The following XPR1 variants were observed in gnomAD, a reference collection of about 807,000 sequenced individuals.
XPR1 encodes solute carrier family 53 member 1.
XPR1 carries 28 observed loss-of-function variants against 87.5 expected under a neutral mutation model. That is an observed-to-expected ratio of 0.32 (90% CI 0.24 to 0.44). The LOEUF is 0.44. XPR1 is among the 20% of genes least tolerant of loss of function. The pLI is 1.00. For missense variants in XPR1, 559 were observed against 862.3 expected (o/e 0.65, Z 4.41); for synonymous variants, 300 against 306.1 (o/e 0.98, Z 0.21).
chr1:180,829,579 A>C (rs999035180), intron 9 of XPR1, among the ~76,000 whole-genome samples: 1 of 152,164 alleles, frequency 6.6e-6, no homozygotes, highest in Non-Finnish European at 1.5e-5. Context: ...TTTTGTGTGT[A>C]TCTCTATAAT....
intron 7 of XPR1, among the ~76,000 whole-genome samples, chr1:180,812,125 A>G (rs1273420811): frequency 6.7e-6 from 1 of 149,762 alleles, no homozygotes; most frequent in Non-Finnish European, 1.5e-5. Flanking sequence ...TTCTTGAAAC[A>G]CTTTGATTGT....
At position 180,845,627 on chromosome 1, in the gene XPR1, C is replaced by A. The variant is rs114237460; in HGVS notation, c.1501+8911C>A. On this transcript the variant is annotated intron_variant, in intron 11 of 14. Transcript: ENST00000367590. ...CCTCAAACTCCTAGGCTCATGGGAT[C>A]CTCCCACCTCAGCCTCCTGAGTAGC... is the stretch of plus-strand genomic sequence containing the variant. Among the ~76,000 whole-genome samples the A allele has an allele frequency of 1.4e-3, 206 of 152,234 alleles. 1 individual carries two copies. Among genetic ancestry groups the A allele is most frequent in the African/African-American group, 4.6e-3 (190 of 41,544 alleles).
At chr1:180,727,674 CG>C (rs1658402458) in intron 2 of XPR1, among the ~76,000 whole-genome samples, 3 of 152,072 alleles carry the variant, frequency 2.0e-5, no homozygotes, top group African/African-American at 7.2e-5. Flanking sequence ...CAACAAAAAA[CG>C]AAAGAAAGTA....
intron 1 of XPR1, among the ~76,000 whole-genome samples, chr1:180,666,777 C>T (rs1191510696): frequency 6.6e-6 from 1 of 152,160 alleles, no homozygotes; most frequent in Non-Finnish European, 1.5e-5. Flanking sequence ...TATGCAAATA[C>T]AGATAATTTT....
At chr1:180,767,408 G>A (rs1648327056) in intron 2 of XPR1, among the ~76,000 whole-genome samples, 1 of 152,126 alleles carries the variant, frequency 6.6e-6, no homozygotes, top group African/African-American at 2.4e-5. Context: ...AACTGTTGAA[G>A]GATGGATCTG....
At chr1:180,801,996 A>G (rs980805281) in intron 3 of XPR1, among the ~76,000 whole-genome samples, 7 of 151,962 alleles carry the variant, frequency 4.6e-5, no homozygotes, top group Admixed American at 2.0e-4. Flanking sequence ...GGGTTTCACC[A>G]TGTTGGCCAG....
At chr1:180,739,661 C>T (rs958391909) in intron 2 of XPR1, among the ~76,000 whole-genome samples, 1 of 152,112 alleles carries the variant, frequency 6.6e-6, no homozygotes, top group Non-Finnish European at 1.5e-5. Context: ...AATTTATACC[C>T]AATTATTTCC....
At chr1:180,818,169 G>A (rs923318014) in intron 7 of XPR1, among the ~76,000 whole-genome samples, 2 of 152,154 alleles carry the variant, frequency 1.3e-5, no homozygotes, top group South Asian at 2.1e-4. Flanking sequence ...GGAGTGAGAC[G>A]AGGCTTCTCA....
At chr1:180,874,520 T>C (rs1425603350) in intron 13 of XPR1, among the ~76,000 whole-genome samples, 1 of 152,014 alleles carries the variant, frequency 6.6e-6, no homozygotes, top group Non-Finnish European at 1.5e-5. Context: ...TGAAACGCTG[T>C]CTCTGCTAAA....
intron 7 of XPR1, among the ~76,000 whole-genome samples, chr1:180,819,052 C>T (rs936771824): frequency 1.6e-4 from 24 of 152,122 alleles, no homozygotes; most frequent in African/African-American, 2.9e-4. Flanking sequence ...TGGGCTCAGG[C>T]GATCCTCCTG....
intron 7 of XPR1, among the ~76,000 whole-genome samples, chr1:180,819,134 T>G (rs1650518667): frequency 6.6e-6 from 1 of 152,030 alleles, no homozygotes; most frequent in Non-Finnish European, 1.5e-5. Flanking sequence ...TTAACTTTTT[T>G]GTAGAGACAG....
intron 2 of XPR1, among the ~76,000 whole-genome samples, chr1:180,711,927 T>C (rs1657814330): frequency 6.6e-6 from 1 of 152,150 alleles, no homozygotes; most frequent in South Asian, 2.1e-4. Flanking sequence ...TATACACATA[T>C]CAGTTGTTCT....
At chr1:180,720,144 A>G (rs1658134648) in intron 2 of XPR1, among the ~76,000 whole-genome samples, 1 of 152,120 alleles carries the variant, frequency 6.6e-6, no homozygotes, top group Non-Finnish European at 1.5e-5. Flanking sequence ...GTTACGAGAT[A>G]GGAGAGGGGA....
intron 1 of XPR1, among the ~76,000 whole-genome samples, chr1:180,649,586 A>G (rs1421208841): frequency 1.3e-5 from 2 of 152,256 alleles, no homozygotes; most frequent in Non-Finnish European, 2.9e-5. Context: ...GATATTTGGA[A>G]CACACAACCA....
chr1:180,682,258 T>A, intron 1 of XPR1, 102 bp from the exon 2 acceptor site: 1 of 787,818 alleles, frequency 1.3e-6, no homozygotes. Flanking sequence ...TAGGGAGCTA[T>A]GAGTGGTCAT....
At chr1:180,719,520 C>T (rs1557973062) in intron 2 of XPR1, among the ~76,000 whole-genome samples, 1 of 152,086 alleles carries the variant, frequency 6.6e-6, no homozygotes, top group South Asian at 2.1e-4. Flanking sequence ...AAAAGTTGAC[C>T]TTTGTTCTTG....
intron 3 of XPR1, among the ~76,000 whole-genome samples, chr1:180,793,109 A>G (rs1335743620): frequency 6.6e-6 from 1 of 152,080 alleles, no homozygotes; most frequent in African/African-American, 2.4e-5. Flanking sequence ...AAAGGAAGGA[A>G]AGGAGGGAGA....
intron 11 of XPR1, among the ~76,000 whole-genome samples, chr1:180,837,292 G>T (rs1012929439): frequency 6.6e-6 from 1 of 152,150 alleles, no homozygotes; most frequent in African/African-American, 2.4e-5. Context: ...CTTTTTCCAA[G>T]AACTGTCAGT....
intron 1 of XPR1, among the ~76,000 whole-genome samples, chr1:180,642,568 A>C (rs1335904062): frequency 6.6e-6 from 1 of 152,138 alleles, no homozygotes; most frequent in Non-Finnish European, 1.5e-5. Context: ...ACTGAGTCTG[A>C]GATGAAATAG....
Sources: gnomAD v4.1 joint callset for allele counts (sites outside exome capture counted in the v4.1 genomes callset) on GRCh38, gnomAD v4.1.1 for gene constraint, MANE v1.5 for transcripts, NCBI Gene and HGNC (gene_info 2026-07-23, HGNC 2026-07-21) for gene names.